The following NME7 variants were observed in gnomAD, a reference collection of about 807,000 sequenced individuals.
NME7 encodes nucleoside diphosphate kinase 7.
Under a neutral mutation model 49.1 loss-of-function variants are expected in NME7, and 41 were observed. That is an observed-to-expected ratio of 0.83 (90% confidence interval 0.65 to 1.08). The LOEUF (loss-of-function observed/expected upper bound fraction) is 1.08. Ranked by LOEUF, NME7 falls within the 50% of genes least tolerant of loss-of-function variation. The pLI, the probability that NME7 is intolerant of heterozygous loss-of-function variation, is 0.00. For missense variants in NME7, 423 were observed against 463.4 expected, an observed-to-expected ratio of 0.91 and a Z score of 0.80; for synonymous variants, 139 against 150.6, an observed-to-expected ratio of 0.92 and a Z score of 0.56.
intron 10 of NME7, among the ~76,000 whole-genome samples, chr1:169,186,249 C>T (rs571905127): frequency 3.9e-5 from 6 of 152,036 alleles, no homozygotes; most frequent in Non-Finnish European, 5.9e-5. Flanking sequence ...AGAATTGAAA[C>T]CTGAGACTCA....
At chr1:169,160,674 C>T (rs1484389734) in intron 11 of NME7, among the ~76,000 whole-genome samples, 1 of 152,030 alleles carries the variant, frequency 6.6e-6, no homozygotes, top group African/African-American at 2.4e-5. Flanking sequence ...TAATGATACA[C>T]AACTTGATAT....
At chr1:169,320,560 C>T (rs958974736) in intron 3 of NME7, among the ~76,000 whole-genome samples, 4 of 152,112 alleles carry the variant, frequency 2.6e-5, no homozygotes, top group East Asian at 1.9e-4. Flanking sequence ...TTCTGTGGAA[C>T]GCTGATAGAC....
chr1:169,320,038 A>G (rs1017041380), intron 3 of NME7, among the ~76,000 whole-genome samples: 1 of 152,198 alleles, frequency 6.6e-6, no homozygotes, highest in Non-Finnish European at 1.5e-5. Context: ...TTCATATAAA[A>G]TTCCTCTATC....
intron 7 of NME7, among the ~76,000 whole-genome samples, chr1:169,267,495 A>T (rs1460962520): frequency 7.5e-6 from 1 of 133,450 alleles, no homozygotes; most frequent in East Asian, 2.0e-4. Context: ...AGCTGGAGGA[A>T]TCATATTGTC....
At chr1:169,155,770 T>C (rs1659049847) in intron 11 of NME7, among the ~76,000 whole-genome samples, 1 of 151,970 alleles carries the variant, frequency 6.6e-6, no homozygotes, top group South Asian at 2.1e-4. Context: ...TAGTTTTTTT[T>C]TTTTTTTTGA....
intron 7 of NME7, among the ~76,000 whole-genome samples, chr1:169,270,940 T>C (rs1407886420): frequency 7.5e-6 from 1 of 133,982 alleles, no homozygotes; most frequent in Admixed American, 7.4e-5. Flanking sequence ...AACTATAACC[T>C]ATAAACAATA....
chr1:169,353,948 T>C (rs777321285), intron 1 of NME7, among the ~76,000 whole-genome samples: 6 of 152,134 alleles, frequency 3.9e-5, no homozygotes, highest in Non-Finnish European at 7.4e-5. Flanking sequence ...CATACACTGT[T>C]GTTGGGAATG....
In NME7 at chr1:169,296,207, T is replaced by C. The variant is rs556486047; in HGVS notation, c.648+2349A>G. ...AACTACAATTCCCGTCCCACAATTT[T>C]CTTTTAAGTCTACTCCACACAGGGT... On this transcript the variant is annotated intron_variant, in intron 6 of 11. Transcript: ENST00000367811. 6.8e-4 allele frequency among the ~76,000 whole-genome samples: 103 copies of C among 152,298 alleles called. 1 individual carries two copies. The highest frequency in any genetic ancestry group is 2.3e-3 in the African/African-American group (95 of 41,572).
Position 169,273,038 on chromosome 1 carries a change from T to C in NME7, c.754+14265A>G, listed in dbSNP as rs1221852381. On this transcript the variant is annotated intron_variant, in intron 7 of 11. Coordinates refer to ENST00000367811, the MANE Select transcript of NME7 (RefSeq NM_013330.5). ...ATTGTGGTTTTGACTTGCATTTCTT[T>C]AATGATCAGTGATGTTGAGCTTTTT... is the stretch of plus-strand genomic sequence containing the variant. Among the ~76,000 whole-genome samples the C allele has an allele frequency of 1.5e-5, 2 of 134,340 alleles. 1 individual carries two copies. Among genetic ancestry groups the C allele is most frequent in the African/African-American group, 5.0e-5 (2 of 39,688 alleles). The allele number at this position is 134,340 out of a possible 152,430, so 88.1% of individuals were successfully genotyped here. A position where few individuals can be genotyped will look rare whatever the true frequency, so the allele number is the denominator to read the frequency against.
At position 169,152,863 on chromosome 1, in the gene NME7, T is replaced by C. The variant is rs146412850; in HGVS notation, c.1098+16584A>G. Among the ~76,000 whole-genome samples the C allele has an allele frequency of 1.7e-3, 260 of 152,302 alleles. 3 individuals are homozygous for C. Among genetic ancestry groups the C allele is most frequent in the African/African-American group, 6.0e-3 (251 of 41,560 alleles). On this transcript the variant is annotated intron_variant, in intron 11 of 11. Transcript: ENST00000367811. ...CACTTCCCTGTTCAAAAACCTTTGA[T>C]GGCTTCCAGTTTTCTAGAGCCTAAG...
At chr1:169,288,265 G>A (rs563289739) in intron 6 of NME7, among the ~76,000 whole-genome samples, 37 of 152,224 alleles carry the variant, frequency 2.4e-4, no homozygotes, top group African/African-American at 8.2e-4. Context: ...AAGTTGTATA[G>A]CTCTGTAGGA....
chr1:169,146,671 G>A (rs924868054), intron 11 of NME7, among the ~76,000 whole-genome samples: 2 of 152,162 alleles, frequency 1.3e-5, no homozygotes, highest in Non-Finnish European at 2.9e-5. Context: ...CTCTAGGTCT[G>A]CCTTACTCCT....
Position 169,279,915 on chromosome 1 carries a change from G to A in NME7, c.754+7388C>T, listed in dbSNP as rs35639586. ...TCTGTGCTATTGTGAATAGTGCTGCGTTAACATACATGTGAATCTGTCTTT... is the reference window on the plus strand; with the variant it reads ...TCTGTGCTATTGTGAATAGTGCTGCATTAACATACATGTGAATCTGTCTTT... On this transcript the variant is annotated intron_variant, in intron 7 of 11. Coordinates refer to ENST00000367811, the MANE Select transcript of NME7 (RefSeq NM_013330.5). Among the ~76,000 whole-genome samples, 8,362 of 152,226 alleles carry A rather than the reference G, an allele frequency of 0.055. 1,378 individuals carry two copies. The East Asian group carries it at 0.66, about 12-fold the overall frequency.
chr1:169,132,805 A>G lies in NME7; in HGVS notation c.1111T>C (p.Phe371Leu). Residue 371 changes from phenylalanine (F) to leucine (L), a missense_variant, in exon 12 of 12, where the codon TTC becomes CTC. Phe to Leu is a conservative substitution (Grantham distance 22). Transcript: ENST00000367811. ...EDGLLEVQYF[F>L]KILDN Reference sequence around the variant, plus strand: ...CACCACTAATTATCCAAGATCTTGAAGAAGTATTGAACCTGAAACGGAGAA... The same window carrying G: ...CACCACTAATTATCCAAGATCTTGAGGAAGTATTGAACCTGAAACGGAGAA... 1.2e-6 allele frequency: 2 copies of G among 1,613,362 alleles called. No homozygotes were observed. Among genetic ancestry groups the G allele is most frequent in the South Asian group, 1.1e-5 (1 of 90,902 alleles).
At chr1:169,301,114 T>G (rs1185172958) in intron 5 of NME7, among the ~76,000 whole-genome samples, 1 of 152,012 alleles carries the variant, frequency 6.6e-6, no homozygotes, top group Non-Finnish European at 1.5e-5. Flanking sequence ...ACAGAAAGCT[T>G]CTGCACTAGC....
intron 11 of NME7, among the ~76,000 whole-genome samples, chr1:169,155,793 C>G (rs1187163971): frequency 7.0e-6 from 1 of 142,530 alleles, no homozygotes; most frequent in Non-Finnish European, 1.5e-5. Flanking sequence ...TGTTCCAGGT[C>G]TGTGAAATGT....
intron 10 of NME7, among the ~76,000 whole-genome samples, chr1:169,217,062 C>T (rs1479665215): frequency 6.6e-6 from 1 of 152,008 alleles, no homozygotes; most frequent in Non-Finnish European, 1.5e-5. Context: ...ATTTGTACAC[C>T]TTAAATTTTT....
chr1:169,340,931 A>G (rs1652671294), intron 1 of NME7, among the ~76,000 whole-genome samples: 1 of 152,184 alleles, frequency 6.6e-6, no homozygotes, highest in Non-Finnish European at 1.5e-5. Context: ...TGAGATTGGA[A>G]CTTATGTAAA....
chr1:169,293,795 T>C (rs1432713597), intron 6 of NME7, among the ~76,000 whole-genome samples: 1 of 152,182 alleles, frequency 6.6e-6, no homozygotes, highest in Non-Finnish European at 1.5e-5. Flanking sequence ...TTCAGGATAC[T>C]GACTCTTCCC....
Sources: allele counts gnomAD v4.1 joint callset (sites outside exome capture counted in the v4.1 genomes callset), GRCh38; gene constraint gnomAD v4.1.1; transcripts MANE v1.5; gene names NCBI Gene and HGNC (gene_info 2026-07-23, HGNC 2026-07-21).